LOXL4: variants seen among roughly 807,000 people sequenced by gnomAD.
LOXL4 encodes lysyl oxidase homolog 4.
Under a neutral mutation model 89.1 loss-of-function variants are expected in LOXL4, and 72 were observed. The observed-to-expected ratio is 0.81, with a 90% CI of 0.67 to 0.98. The LOEUF is 0.98. Among genes scored for constraint, LOXL4 ranks in the 50% least tolerant of loss-of-function variants. The probability of loss-of-function intolerance (pLI) is 0.00; values close to 1 mark genes in which losing one functional copy is unlikely to be tolerated. For synonymous variants in LOXL4, 355 were observed against 392.1 expected, an observed-to-expected ratio of 0.91 and a Z score of 1.12; for missense variants, 984 against 1,017.5, an observed-to-expected ratio of 0.97 and a Z score of 0.45.
chr10:98,252,963 A>G (rs1858246516), intron 11 of LOXL4, among the ~76,000 whole-genome samples: 2 of 152,124 alleles, frequency 1.3e-5, no homozygotes, highest in African/African-American at 4.8e-5. Flanking sequence ...ATTCCTTTCC[A>G]CTTTCTCCAC....
At chr10:98,251,284 A>T in intron 13 of LOXL4, 108 bp from the exon 14 acceptor site, 1 of 927,252 alleles carries the variant, frequency 1.1e-6, no homozygotes, top group East Asian at 2.6e-5. Context: ...ATTAATTCTT[A>T]ACAATTACCC....
chr10:98,262,097 A>C lies in LOXL4; in HGVS notation c.394T>G (p.Cys132Gly). The C allele has an allele frequency of 1.2e-6, 2 of 1,612,878 alleles. No homozygotes were observed. The highest frequency in any genetic ancestry group is 1.7e-6 in the Non-Finnish European group (2 of 1,179,756). Residue 132 changes from cysteine to glycine, a missense_variant, in exon 3 of 15, where the codon TGC becomes GGC. Transcript: ENST00000260702. ...TAGCCACGATGGCGCCGGGGGTGGC[A>C]TATCACCCCTACGTCTTCTGAGTGA... Reference protein sequence around the residue: ...CSHSEDVGVICHPRRHRGYLS... With the variant: ...CSHSEDVGVIGHPRRHRGYLS...
chr10:98,258,063 G>A lies in LOXL4; in HGVS notation c.1023C>T (p.Asn341=), dbSNP rs761973321. The A allele has an allele frequency of 3.1e-6, 5 of 1,613,792 alleles. No homozygotes were observed. The highest frequency in any genetic ancestry group is 1.1e-5 in the South Asian group (1 of 91,088). ...QWGTVCDHRW[N]LISASVVCRQ... ...GACACACGACACTGGCAGAGATGAGGTTCCACCTGTGGTCACAGACCGTGC... is the reference window on the plus strand; with the variant it reads ...GACACACGACACTGGCAGAGATGAGATTCCACCTGTGGTCACAGACCGTGC... The change falls in exon 7 of 15, where the codon AAC becomes AAT. Residue 341 remains asparagine, a synonymous_variant. Coordinates refer to ENST00000260702, the MANE Select transcript of LOXL4 (RefSeq NM_032211.7).
intron 5 of LOXL4, 51 bp from the exon 6 acceptor site, chr10:98,259,279 C>G: frequency 6.3e-7 from 1 of 1,585,852 alleles, no homozygotes; most frequent in East Asian, 2.2e-5. Flanking sequence ...GGAAGAGCTT[C>G]AGGACTAAGG....
chr10:98,257,917 C>A (rs1465813318), intron 7 of LOXL4, 64 bp downstream of exon 7: 1 of 1,589,848 alleles, frequency 6.3e-7, no homozygotes, highest in Non-Finnish European at 8.6e-7. Context: ...CACCCCAGGG[C>A]CTTCAAGACA....
Position 98,260,976 on chromosome 10 carries a change from A to T in LOXL4, c.608T>A (p.Val203Glu). 1.2e-6 allele frequency: 2 copies of T among 1,613,722 alleles called. No individual in the cohort carries two copies. Among genetic ancestry groups the T allele is most frequent in the East Asian group, 4.5e-5 (2 of 44,868 alleles). Reference sequence around the variant, plus strand: ...GCTGGGGAAGCCCAGCATCCCGCACACCACCCTGCTGTTGTTCATGGTCCA... The same window carrying T: ...GCTGGGGAAGCCCAGCATCCCGCACTCCACCCTGCTGTTGTTCATGGTCCA... ...QGWTMNNSRV[V>E]CGMLGFPSEV... Residue 203 changes from valine (V) to glutamate (E), a missense_variant, in exon 4 of 15, where the codon GTG becomes GAG. By Grantham distance (121) the Val-to-Glu change is moderately radical. Coordinates refer to ENST00000260702, the MANE Select transcript of LOXL4 (RefSeq NM_032211.7).
Position 98,255,593 on chromosome 10 carries a change from T to G in LOXL4, c.1575A>C (p.Gly525=). The G allele has an allele frequency of 6.2e-7, 1 of 1,609,660 alleles. No individual in the cohort carries two copies. The highest frequency in any genetic ancestry group is 8.5e-7 in the Non-Finnish European group (1 of 1,176,510). The change falls in exon 10 of 15, where the codon GGA becomes GGC. Residue 525 remains glycine, a synonymous_variant. Transcript: ENST00000260702. The part of the protein sequence containing the change: ...CSHGGGRFLA[G]VSCMDSAPDL... ...GTCACTCACTGTCCATGCAGGAGAC[T>G]CCAGCCAGGAAGCGCCCGCCACCGT...
At position 98,253,671 on chromosome 10, in the gene LOXL4, C is replaced by T. The variant is rs748722552; in HGVS notation, c.1717G>A (p.Asp573Asn). ...AGGCGGCGGTATCCGTAGGGCCAGT[C>T]CATGTGATCCGCAGACTTGGAGAGG... Reference protein sequence around the residue: ...NCLSKSADHMDWPYGYRRLLR... With the variant: ...NCLSKSADHMNWPYGYRRLLR... The change falls in exon 11 of 15, where the codon GAC becomes AAC. Residue 573 changes from aspartate to asparagine, a missense_variant. Physicochemically the swap from Asp to Asn is conservative, Grantham distance 23 (BLOSUM62 1). Coordinates refer to ENST00000260702, the MANE Select transcript of LOXL4 (RefSeq NM_032211.7). 3.2e-5 allele frequency: 52 copies of T among 1,614,140 alleles called. No homozygotes were observed. The highest frequency in any genetic ancestry group is 4.3e-5 in the Non-Finnish European group (51 of 1,180,058).
Position 98,253,652 on chromosome 10 carries a change from C to T in LOXL4, c.1736G>A (p.Arg579His), listed in dbSNP as rs748462369. The change falls in exon 11 of 15, where the codon CGC (arginine) becomes CAC (histidine). Residue 579 changes from arginine to histidine, a missense_variant. Arg to His is a conservative substitution (Grantham distance 29). Coordinates refer to ENST00000260702, the MANE Select transcript of LOXL4 (RefSeq NM_032211.7). ...CTGTGTGGAGAAGCGCAATAGGCGG[C>T]GGTATCCGTAGGGCCAGTCCATGTG... ...ADHMDWPYGY[R>H]RLLRFSTQIY... The T allele has an allele frequency of 1.8e-5, 29 of 1,614,076 alleles. No individual in the cohort carries two copies. Among genetic ancestry groups the T allele is most frequent in the Middle Eastern group, 1.6e-4 (1 of 6,084 alleles).
chr10:98,251,296 G>T, intron 13 of LOXL4, 120 bp from the exon 14 acceptor site: 1 of 864,484 alleles, frequency 1.2e-6, no homozygotes. Flanking sequence ...CAATTACCCA[G>T]GAGGTAGGTA....
At chr10:98,251,004 T>C in intron 14 of LOXL4, 61 bp downstream of exon 14, 11 of 1,218,890 alleles carry the variant, frequency 9.0e-6, no homozygotes, top group Non-Finnish European at 1.3e-5. Flanking sequence ...AGAGGGTACA[T>C]TTACAGTGTT....
intron 1 of LOXL4, among the ~76,000 whole-genome samples, chr10:98,264,236 C>G (rs1858627107): frequency 6.7e-6 from 1 of 150,232 alleles, no homozygotes; most frequent in Non-Finnish European, 1.5e-5. Flanking sequence ...TCATGAAGCT[C>G]AAGCAAGAAG....
At chr10:98,252,727 G>A (rs1000304674) in intron 11 of LOXL4, among the ~76,000 whole-genome samples, 10 of 152,176 alleles carry the variant, frequency 6.6e-5, no homozygotes, top group African/African-American at 2.4e-4. Flanking sequence ...TGCTCTGGTC[G>A]CCTCCAGGAG....
rs145410745 is a variant in LOXL4, at chr10:98,255,687, C to T, written c.1481G>A (p.Gly494Glu). 107 of 1,613,460 alleles carry T rather than the reference C, an allele frequency of 6.6e-5. No individual in the cohort carries two copies. Among genetic ancestry groups the T allele is most frequent in the Non-Finnish European group, 8.8e-5 (104 of 1,179,532 alleles). The change falls in exon 10 of 15, where the codon GGG (glycine) becomes GAG (glutamate). Residue 494 changes from glycine (G) to glutamate (E), a missense_variant. Coordinates refer to ENST00000260702, the MANE Select transcript of LOXL4 (RefSeq NM_032211.7). ...CAGCTCTGTGCCTGAGCAGCGCACCCCACTCATCACCACCTCCTGGGCCCT... is the reference window on the plus strand; with the variant it reads ...CAGCTCTGTGCCTGAGCAGCGCACCTCACTCATCACCACCTCCTGGGCCCT... ...TPRAQEVVMS[G>E]VRCSGTELAL...
chr10:98,260,588 T>C (rs1456416566), intron 4 of LOXL4, among the ~76,000 whole-genome samples: 1 of 152,056 alleles, frequency 6.6e-6, no homozygotes, highest in Non-Finnish European at 1.5e-5. Context: ...GTCCTCCTTA[T>C]TCACTTTCCT....
At chr10:98,263,104 C>A (rs1320134632) in intron 1 of LOXL4, 53 bp from the exon 2 acceptor site, 12 of 1,482,856 alleles carry the variant, frequency 8.1e-6, no homozygotes, top group Non-Finnish European at 9.2e-6. Flanking sequence ...AGATCTCAGA[C>A]CTCTGCAGCA....
intron 6 of LOXL4, 97 bp from the exon 7 acceptor site, chr10:98,258,261 C>G: frequency 7.8e-7 from 1 of 1,288,868 alleles, no homozygotes; most frequent in Non-Finnish European, 1.0e-6. Context: ...CCTTCAAGTT[C>G]CATGGCGGTG....
chr10:98,250,550 C>T (rs774098039), intron 14 of LOXL4, among the ~76,000 whole-genome samples: 2 of 152,094 alleles, frequency 1.3e-5, no homozygotes, highest in African/African-American at 2.4e-5. Context: ...ACAGAACAGC[C>T]CCTCTTCTCT....
At chr10:98,261,168 C>T (rs1393458779) in intron 3 of LOXL4, 41 bp from the exon 4 acceptor site, 1 of 1,587,552 alleles carries the variant, frequency 6.3e-7, no homozygotes, top group Non-Finnish European at 8.6e-7. Flanking sequence ...GGGGCTCCTG[C>T]TCCTCCAGTG....
Sources: allele counts gnomAD v4.1 joint callset (sites outside exome capture counted in the v4.1 genomes callset), GRCh38; gene constraint gnomAD v4.1.1; transcripts MANE v1.5; gene names NCBI Gene and HGNC (gene_info 2026-07-23, HGNC 2026-07-21).